Variants in KCNJ3 observed in about 807,000 individuals in gnomAD.
KCNJ3 encodes the protein G protein-activated inward rectifier potassium channel 1.
Under a neutral mutation model 39.2 loss-of-function variants are expected in KCNJ3, and 4 were observed. That is an observed-to-expected ratio of 0.10 (90% CI 0.05 to 0.23). KCNJ3 has a LOEUF of 0.23. Ranked by LOEUF, KCNJ3 falls within the 10% of genes least tolerant of loss-of-function variation. The pLI, the probability that KCNJ3 is intolerant of heterozygous loss-of-function variation, is 1.00. For synonymous variants in KCNJ3, 230 were observed against 237.4 expected, an observed-to-expected ratio of 0.97 and a Z score of 0.29; for missense variants, 276 against 634.9, an observed-to-expected ratio of 0.43 and a Z score of 6.08.
At chr2:154,809,576 C>T (rs1317629223) in intron 2 of KCNJ3, among the ~76,000 whole-genome samples, 3 of 152,084 alleles carry the variant, frequency 2.0e-5, no homozygotes, top group South Asian at 4.1e-4. Context: ...ATTTTAGCAC[C>T]GTCTACCACA....
At chr2:154,742,282 T>C (rs1431850921) in intron 2 of KCNJ3, among the ~76,000 whole-genome samples, 1 of 151,872 alleles carries the variant, frequency 6.6e-6, no homozygotes, top group Non-Finnish European at 1.5e-5. Context: ...TGTCTGTTGA[T>C]AGGTACTTGC....
intron 2 of KCNJ3, among the ~76,000 whole-genome samples, chr2:154,780,274 C>G (rs1443649904): frequency 3.9e-5 from 6 of 152,114 alleles, no homozygotes; most frequent in Non-Finnish European, 7.4e-5. Flanking sequence ...CATGCACACT[C>G]TCGCACAAGT....
chr2:154,801,563 C>A (rs1021105411), intron 2 of KCNJ3, among the ~76,000 whole-genome samples: 3 of 131,224 alleles, frequency 2.3e-5, no homozygotes, highest in Non-Finnish European at 3.3e-5. Context: ...TCTTTTCTTT[C>A]TTTCTTTCTC....
At chr2:154,772,704 A>G (rs1004919089) in intron 2 of KCNJ3, among the ~76,000 whole-genome samples, 3 of 152,178 alleles carry the variant, frequency 2.0e-5, no homozygotes, top group African/African-American at 7.2e-5. Context: ...AGAAAATAAG[A>G]TCATCTGAAG....
chr2:154,788,268 T>TA (rs1686568781), intron 2 of KCNJ3, among the ~76,000 whole-genome samples: 1 of 152,102 alleles, frequency 6.6e-6, no homozygotes, highest in African/African-American at 2.4e-5. Flanking sequence ...AAAATGGAGA[T>TA]ATTGAGAAGA....
chr2:154,715,103 C>G (rs895318139), intron 2 of KCNJ3, among the ~76,000 whole-genome samples: 1 of 152,158 alleles, frequency 6.6e-6, no homozygotes, highest in Non-Finnish European at 1.5e-5. Flanking sequence ...GGCAGGGTAC[C>G]TGGCTGCTAC....
intron 2 of KCNJ3, among the ~76,000 whole-genome samples, chr2:154,793,746 T>A (rs555270073): frequency 1.3e-5 from 2 of 152,148 alleles, no homozygotes; most frequent in African/African-American, 4.8e-5. Flanking sequence ...CTGAGACCAA[T>A]GACTAACCGT....
intron 2 of KCNJ3, among the ~76,000 whole-genome samples, chr2:154,821,713 C>T (rs1687185618): frequency 7.3e-6 from 1 of 136,356 alleles, no homozygotes; most frequent in African/African-American, 2.7e-5. Flanking sequence ...GCGATCTCCG[C>T]TCACCGCAAC....
At chr2:154,724,515 C>T (rs1685316499) in intron 2 of KCNJ3, among the ~76,000 whole-genome samples, 1 of 151,894 alleles carries the variant, frequency 6.6e-6, no homozygotes, top group Non-Finnish European at 1.5e-5. Context: ...CCAAGGTCAG[C>T]CTAAGTTATT....
chr2:154,754,218 T>A (rs920555622), intron 2 of KCNJ3, among the ~76,000 whole-genome samples: 1 of 152,206 alleles, frequency 6.6e-6, no homozygotes, highest in African/African-American at 2.4e-5. Context: ...AACATTGATG[T>A]TTGAATATTT....
chr2:154,726,752 G>GTATA (rs752237431), intron 2 of KCNJ3, among the ~76,000 whole-genome samples: 1 of 126,344 alleles, frequency 7.9e-6, no homozygotes, highest in African/African-American at 2.9e-5. Flanking sequence ...AAGAAAATGT[G>GTATA]TATATATATA....
Position 154,854,721 on chromosome 2 carries a change from T to A in KCNJ3, c.920-6T>A. ...AATTTATCAAGAATTTTCTCTTTTCTTGTAGGGATGACTTGTCAAGCTCGA... is the reference window on the plus strand; with the variant it reads ...AATTTATCAAGAATTTTCTCTTTTCATGTAGGGATGACTTGTCAAGCTCGA... On this transcript the variant is annotated splice_region_variant and splice_polypyrimidine_tract_variant and intron_variant, in intron 2 of 2. Coordinates refer to ENST00000295101, the MANE Select transcript of KCNJ3 (RefSeq NM_002239.4). 6.3e-7 allele frequency: 1 copy of A among 1,595,762 alleles called. No homozygotes were observed. Among genetic ancestry groups the A allele is most frequent in the Non-Finnish European group, 8.6e-7 (1 of 1,167,836 alleles).
intron 2 of KCNJ3, among the ~76,000 whole-genome samples, chr2:154,846,639 G>C (rs941792217): frequency 1.3e-5 from 2 of 152,034 alleles, no homozygotes; most frequent in African/African-American, 4.8e-5. Flanking sequence ...ATATTTCCCT[G>C]TCTCTCCTAA....
chr2:154,778,263 T>A (rs189776510), intron 2 of KCNJ3, among the ~76,000 whole-genome samples: 2 of 152,302 alleles, frequency 1.3e-5, no homozygotes, highest in Admixed American at 1.3e-4. Flanking sequence ...AAAAGTATTA[T>A]GTAATAATTC....
chr2:154,762,384 T>C (rs1686061236), intron 2 of KCNJ3, among the ~76,000 whole-genome samples: 2 of 152,300 alleles, frequency 1.3e-5, no homozygotes, highest in South Asian at 4.1e-4. Flanking sequence ...TAGAGGCATT[T>C]AGAGGAGGTT....
chr2:154,730,458 A>G (rs1462423898), intron 2 of KCNJ3, among the ~76,000 whole-genome samples: 3 of 152,162 alleles, frequency 2.0e-5, no homozygotes, highest in African/African-American at 7.2e-5. Context: ...CAAGCTTAAT[A>G]ATTTAAAAGT....
chr2:154,780,500 T>C (rs1263200736), intron 2 of KCNJ3, among the ~76,000 whole-genome samples: 1 of 151,812 alleles, frequency 6.6e-6, no homozygotes, highest in Non-Finnish European at 1.5e-5. Flanking sequence ...TAACAGTCAA[T>C]AGGAAGTGTC....
chr2:154,854,868 C>A lies in KCNJ3; in HGVS notation c.1061C>A (p.Pro354Gln). ...QFHATFEVPT[P>Q]PYSVKEQEEM... ...CATGCAACATTTGAAGTCCCCACCC[C>A]ACCTTACAGTGTGAAAGAGCAGGAG... Residue 354 changes from proline to glutamine, a missense_variant, in exon 3 of 3, where the codon CCA becomes CAA. By Grantham distance (76) the Pro-to-Gln change is moderately conservative. Coordinates refer to ENST00000295101, the MANE Select transcript of KCNJ3 (RefSeq NM_002239.4). 1 of 1,613,952 alleles carries A rather than the reference C, an allele frequency of 6.2e-7. No homozygotes were observed. The highest frequency in any genetic ancestry group is 8.5e-7 in the Non-Finnish European group (1 of 1,179,942).
rs564702410 is a variant in KCNJ3, at chr2:154,723,956, A to G, written c.919+14137A>G. Among the ~76,000 whole-genome samples, 9 of 152,264 alleles carry G rather than the reference A, an allele frequency of 5.9e-5. No homozygotes were observed. The South Asian group carries it at 1.7e-3, about 28-fold the overall frequency. On this transcript the variant is annotated intron_variant, in intron 2 of 2. Transcript: ENST00000295101. ...GATTTCTAAAAAGCTTTTTAACAGG[A>G]AATCTGTGAAAGCATTTGAATCACC...
Sources: gnomAD v4.1 joint callset for allele counts (sites outside exome capture counted in the v4.1 genomes callset) on GRCh38, gnomAD v4.1.1 for gene constraint, MANE v1.5 for transcripts, NCBI Gene and HGNC (gene_info 2026-07-23, HGNC 2026-07-21) for gene names.